The following NDUFV1 variants were observed in gnomAD, a reference collection of about 807,000 sequenced individuals.
The protein encoded by NDUFV1 is NADH dehydrogenase [ubiquinone] flavoprotein 1, mitochondrial.
A neutral mutation model predicts 48.7 loss-of-function variants in NDUFV1; 41 were observed. The observed-to-expected ratio is 0.84, with a 90% CI of 0.66 to 1.09. NDUFV1 has a LOEUF of 1.09. Ranked by LOEUF, NDUFV1 falls within the 50% of genes least tolerant of loss-of-function variation. The probability of loss-of-function intolerance (pLI) is 0.00; values close to 1 mark genes in which losing one functional copy is unlikely to be tolerated. For missense variants in NDUFV1, 580 were observed against 645.4 expected (o/e 0.90, Z 1.10); for synonymous variants, 231 against 259.1 (o/e 0.89, Z 1.04).
At position 67,612,102 on chromosome 11, in the gene NDUFV1, T is replaced by C. The variant is rs1221292747; in HGVS notation, c.1163-18T>C. 1.9e-6 allele frequency: 3 copies of C among 1,613,252 alleles called. No homozygotes were observed. Among genetic ancestry groups the C allele is most frequent in the East Asian group, 2.2e-5 (1 of 44,818 alleles). On this transcript the variant is annotated intron_variant, in intron 8 of 9. Coordinates refer to ENST00000322776, the MANE Select transcript of NDUFV1 (RefSeq NM_007103.4). The surrounding 1 kb of genome is among the most constrained non-coding windows in gnomAD (Gnocchi z 4.4). ...GCTGGGGAGATCATCAGGCCCTCTC[T>C]TGTGGCTGTGGCTGCAGGTGTGGAC... is the stretch of plus-strand genomic sequence containing the variant.
At position 67,611,094 on chromosome 11, in the gene NDUFV1, G is replaced by A. The variant is rs141400889; in HGVS notation, c.800G>A (p.Arg267Lys). Residue 267 changes from arginine (R) to lysine (K), a missense_variant, in exon 6 of 10, where the codon AGA becomes AAA. Arg to Lys is a conservative substitution (Grantham distance 26, BLOSUM62 2). Coordinates refer to ENST00000322776, the MANE Select transcript of NDUFV1 (RefSeq NM_007103.4). The surrounding 1 kb of genome is among the most constrained non-coding windows in gnomAD (Gnocchi z 4.2). ...GGTACCTGGTTTGCTGGCTTTGGCA[G>A]AGAACGCAACTCAGGCACCAAACTA... ...RGGTWFAGFG[R>K]ERNSGTKLFN... 166 of 1,614,124 alleles carry A rather than the reference G, an allele frequency of 1.0e-4. No homozygotes were observed. The Middle Eastern group carries it at 2.6e-3, about 26-fold the overall frequency.
chr11:67,609,287 T>G, intron 3 of NDUFV1, 165 bp from the exon 4 acceptor site: 2 of 674,638 alleles, frequency 3.0e-6, no homozygotes, highest in Non-Finnish European at 5.0e-6. Flanking sequence ...CTCCCTGTCA[T>G]TGGTGGTGAG....
rs779420018 is a variant in NDUFV1, at chr11:67,612,219, G to T, written c.1262G>T (p.Gly421Val). 1.2e-5 allele frequency: 20 copies of T among 1,613,658 alleles called. No homozygotes were observed. In the Admixed American group the frequency reaches 3.3e-4, roughly 27 times the overall value. ...SLWEISKQIE[G>V]HTICALGDGA... ...TGGGAGATCAGCAAGCAGATAGAAG[G>T]CCATACGATTTGTGCTCTGGGTGAC... The change falls in exon 9 of 10, where the codon GGC becomes GTC. Residue 421 changes from glycine to valine, a missense_variant. Transcript: ENST00000322776. The surrounding 1 kb of genome is among the most constrained non-coding windows in gnomAD (Gnocchi z 4.4).
At chr11:67,607,681 AGGGCCAAGCTGCCACACTCGGCTTGTG>A (rs1448877996) in intron 1 of NDUFV1, 1 of 354,332 alleles carries the variant, frequency 2.8e-6, no homozygotes, top group Non-Finnish European at 5.6e-6. Flanking sequence ...AGGCCGGGAA[AGGGCCAAGCTGCCACACTCGGCTTGTG>A]GGGCTGTGTG....
chr11:67,610,800 G>T, intron 5 of NDUFV1, 195 bp from the exon 6 acceptor site: 2 of 776,888 alleles, frequency 2.6e-6, no homozygotes, highest in South Asian at 3.3e-5. Flanking sequence ...CACAGTGCCT[G>T]TTCTGAGGCT....
chr11:67,609,128 T>G (rs1464315776), intron 3 of NDUFV1, among the ~76,000 whole-genome samples: 1 of 152,218 alleles, frequency 6.6e-6, no homozygotes, highest in Non-Finnish European at 1.5e-5. Flanking sequence ...CTGCTTTACC[T>G]CCTTTTGATG....
chr11:67,611,189 CTGAT>C lies in NDUFV1; in HGVS notation c.899_902del (p.Ile300ArgfsTer17). ...GGAGATGTCTGTGCCCTTGAAAGAA[CTGAT>C]TGAGAAGCATGCTGGTAAGGCCTGG... On this transcript the variant is annotated frameshift_variant, in exon 6 of 10. Transcript: ENST00000322776. LOFTEE classifies it high-confidence loss of function. The surrounding 1 kb of genome is among the most constrained non-coding windows in gnomAD (Gnocchi z 4.2). The C allele has an allele frequency of 6.2e-7, 1 of 1,614,078 alleles. No individual in the cohort carries two copies. Among genetic ancestry groups the C allele is most frequent in the Non-Finnish European group, 8.5e-7 (1 of 1,180,020 alleles).
rs538543375 is a variant in NDUFV1, at chr11:67,612,064, G to A, written c.1163-56G>A. 6 of 1,613,496 alleles carry A rather than the reference G, an allele frequency of 3.7e-6. No individual in the cohort carries two copies. The East Asian group carries it at 6.7e-5, about 18-fold the overall frequency. On this transcript the variant is annotated intron_variant, in intron 8 of 9. Coordinates refer to ENST00000322776, the MANE Select transcript of NDUFV1 (RefSeq NM_007103.4). The surrounding 1 kb of genome is among the most constrained non-coding windows in gnomAD (Gnocchi z 4.4). The stretch of plus-strand genomic sequence containing the variant: ...ACGTGGCCTGCAGCCCTCAAGCGCC[G>A]CCCCACATCCTGGCTGGGGAGATCA...
Position 67,611,922 on chromosome 11 carries a change from G to T in NDUFV1, c.1106G>T (p.Arg369Leu), listed in dbSNP as rs767193537. The part of the protein sequence containing the change: ...RSTDIVKAIA[R>L]LIEFYKHESC... ...ACGGACATCGTGAAAGCCATCGCCC[G>T]CCTCATTGAGTTCTATAAGCACGAG... is the stretch of plus-strand genomic sequence containing the variant. Residue 369 changes from arginine (R) to leucine (L), a missense_variant, in exon 8 of 10, where the codon CGC becomes CTC. By Grantham distance (102) the Arg-to-Leu change is moderately radical. Transcript: ENST00000322776. The surrounding 1 kb of genome is among the most constrained non-coding windows in gnomAD (Gnocchi z 4.2). 1.9e-6 allele frequency: 3 copies of T among 1,613,906 alleles called. No individual in the cohort carries two copies. Among genetic ancestry groups the T allele is most frequent in the Non-Finnish European group, 2.5e-6 (3 of 1,180,014 alleles).
At position 67,608,673 on chromosome 11, in the gene NDUFV1, T is replaced by C. The variant is rs1391699635; in HGVS notation, c.277T>C (p.Phe93Leu). ...TTTGAGGGGCCGTGGAGGCGCTGGC[T>C]TCCCCACTGGCCTCAAGTGGAGCTT... ...SGLRGRGGAG[F>L]PTGLKWSFMN... is the part of the protein sequence containing the mutation. The change falls in exon 3 of 10, where the codon TTC (phenylalanine) becomes CTC (leucine). Residue 93 changes from phenylalanine to leucine, a missense_variant. Phe to Leu is a conservative substitution (Grantham distance 22). Transcript: ENST00000322776. 1 of 1,614,132 alleles carries C rather than the reference T, an allele frequency of 6.2e-7. No homozygotes were observed. Among genetic ancestry groups the C allele is most frequent in the East Asian group, 2.2e-5 (1 of 44,888 alleles).
intron 4 of NDUFV1, chr11:67,609,889 G>A: frequency 4.3e-6 from 2 of 470,004 alleles, no homozygotes; most frequent in Non-Finnish European, 3.8e-6. Context: ...CAAGTAGCAA[G>A]AAGAAAAAAC....
At position 67,611,401 on chromosome 11, in the gene NDUFV1, AG is replaced by A. The variant is rs1854912617; in HGVS notation, c.917del. ...CCTTTGGGGACCGACTTGGGGCCCC[AG>A]GGGGTGTCACGGGCGGCTGGGACAA... is the stretch of plus-strand genomic sequence containing the variant. On this transcript the variant is annotated splice_acceptor_variant, in intron 6 of 9. Coordinates refer to ENST00000322776, the MANE Select transcript of NDUFV1 (RefSeq NM_007103.4). LOFTEE classifies it high-confidence loss of function. This position sits in a 1 kb window ranked among gnomAD's most constrained non-coding sequence, Gnocchi z 4.2. 6.2e-7 allele frequency: 1 copy of A among 1,612,546 alleles called. No individual in the cohort carries two copies. The highest frequency in any genetic ancestry group is 1.3e-5 in the African/African-American group (1 of 74,986).
chr11:67,608,522 C>T (rs779981082), intron 2 of NDUFV1, 30 bp from the exon 3 acceptor site: 2 of 1,614,202 alleles, frequency 1.2e-6, no homozygotes, highest in South Asian at 2.2e-5. Context: ...AGCAAGGTGT[C>T]CCCTTCATTG....
At chr11:67,610,713 GC>G in intron 5 of NDUFV1, 143 bp downstream of exon 5, 1 of 1,194,028 alleles carries the variant, frequency 8.4e-7, no homozygotes, top group Non-Finnish European at 1.2e-6. Context: ...CAACACACAG[GC>G]TCCCCCAGGG....
At position 67,612,291 on chromosome 11, in the gene NDUFV1, C is replaced by T. The variant is rs779213837; in HGVS notation, c.1308+26C>T. The T allele has an allele frequency of 2.2e-5, 36 of 1,613,960 alleles. No homozygotes were observed. Among genetic ancestry groups the T allele is most frequent in the African/African-American group, 2.7e-5 (2 of 75,034 alleles). ...GTATTCACCACCCTTCTGCGTAGCA[C>T]GGAGGGTGGGTGGCATCAAGGGCCC... is the stretch of plus-strand genomic sequence containing the variant. On this transcript the variant is annotated intron_variant, in intron 9 of 9. Transcript: ENST00000322776. This position sits in a 1 kb window ranked among gnomAD's most constrained non-coding sequence, Gnocchi z 4.4.
rs1258226852 is a variant in NDUFV1 at position 67,611,932 on chromosome 11, G to A, written c.1116G>A (p.Glu372=). Residue 372 remains glutamate (E), a synonymous_variant, in exon 8 of 10, where the codon GAG becomes GAA. Coordinates refer to ENST00000322776, the MANE Select transcript of NDUFV1 (RefSeq NM_007103.4). This position sits in a 1 kb window ranked among gnomAD's most constrained non-coding sequence, Gnocchi z 4.2. ...TGAAAGCCATCGCCCGCCTCATTGA[G>A]TTCTATAAGCACGAGAGCTGTGGCC... The part of the protein sequence containing the change: ...DIVKAIARLI[E]FYKHESCGQC... 1 of 1,614,064 alleles carries A rather than the reference G, an allele frequency of 6.2e-7. No individual in the cohort carries two copies. Among genetic ancestry groups the A allele is most frequent in the Admixed American group, 1.7e-5 (1 of 60,028 alleles).
Position 67,610,673 on chromosome 11 carries a change from G to C in NDUFV1, c.700+103G>C, listed in dbSNP as rs565005095. 8.2e-6 allele frequency: 12 copies of C among 1,470,248 alleles called. No homozygotes were observed. The African/African-American group carries it at 1.7e-4, about 21-fold the overall frequency. The allele number at this position is 1,470,248 out of a possible 1,614,324, so 91.1% of individuals were successfully genotyped here. On this transcript the variant is annotated intron_variant, in intron 5 of 9. Coordinates refer to ENST00000322776, the MANE Select transcript of NDUFV1 (RefSeq NM_007103.4). Reference sequence around the variant, plus strand: ...TTAGGGATTTCTGAGTGGCTTCCCGGCTGGGGCCAGATAGAGAGTAGGCTG... The same window carrying C: ...TTAGGGATTTCTGAGTGGCTTCCCGCCTGGGGCCAGATAGAGAGTAGGCTG...
chr11:67,607,394 C>T, intron 1 of NDUFV1: 2 of 561,014 alleles, frequency 3.6e-6, no homozygotes, highest in South Asian at 1.5e-5. Flanking sequence ...GGTCATTGCC[C>T]CATTTAGGGA....
chr11:67,607,215 G>A, intron 1 of NDUFV1, 139 bp downstream of exon 1: 1 of 994,548 alleles, frequency 1.0e-6, no homozygotes, highest in South Asian at 1.4e-5. Flanking sequence ...CCCCCGCTCC[G>A]GCCTGGTTGA....
Sources: gnomAD v4.1 joint callset for allele counts (sites outside exome capture counted in the v4.1 genomes callset) on GRCh38, gnomAD v4.1.1 for gene constraint, Gnocchi (gnomAD v3.1) non-coding constraint, MANE v1.5 for transcripts, NCBI Gene and HGNC (gene_info 2026-07-23, HGNC 2026-07-21) for gene names.